The following PTPRK variants were observed in gnomAD, a reference collection of about 807,000 sequenced individuals.
The protein encoded by PTPRK is receptor-type tyrosine-protein phosphatase kappa.
PTPRK carries 75 observed loss-of-function variants against 178.0 expected under a neutral mutation model. The observed-to-expected ratio is 0.42, with a 90% confidence interval of 0.35 to 0.51. The LOEUF is 0.51. Among genes scored for constraint, PTPRK ranks in the 20% least tolerant of loss-of-function variants. The probability of loss-of-function intolerance (pLI) is 0.02; values close to 1 mark genes in which losing one functional copy is unlikely to be tolerated. For synonymous variants in PTPRK, 637 were observed against 620.6 expected, an observed-to-expected ratio of 1.03 and a Z score of -0.39; for missense variants, 1,441 against 1,797.8, an observed-to-expected ratio of 0.80 and a Z score of 3.59.
intron 7 of PTPRK, among the ~76,000 whole-genome samples, chr6:128,118,612 T>C (rs769587917): frequency 3.3e-5 from 5 of 152,180 alleles, no homozygotes; most frequent in Non-Finnish European, 5.9e-5. Flanking sequence ...TCTTAATCTA[T>C]TCTTGTTACT....
intron 3 of PTPRK, among the ~76,000 whole-genome samples, chr6:128,293,251 T>C (rs962692207): frequency 3.3e-5 from 5 of 152,028 alleles, no homozygotes; most frequent in African/African-American, 1.2e-4. Flanking sequence ...TTCTAGAAGC[T>C]GCGAAGTCCA....
chr6:128,376,450 C>A (rs1837084296), intron 2 of PTPRK, among the ~76,000 whole-genome samples: 1 of 152,182 alleles, frequency 6.6e-6, no homozygotes, highest in Non-Finnish European at 1.5e-5. Context: ...CTAGGCTGCA[C>A]AGAGCAGGGA....
chr6:128,362,373 C>A (rs1432201348), intron 2 of PTPRK, among the ~76,000 whole-genome samples: 2 of 64,350 alleles, frequency 3.1e-5, no homozygotes, highest in Non-Finnish European at 4.5e-5. Flanking sequence ...GCCCCCATCA[C>A]CAAGACTGGG....
intron 7 of PTPRK, among the ~76,000 whole-genome samples, chr6:128,167,013 G>C (rs1312372534): frequency 6.6e-6 from 1 of 151,152 alleles, no homozygotes; most frequent in Non-Finnish European, 1.5e-5. Flanking sequence ...AGCACTTCTG[G>C]AAAAATATTC....
At chr6:128,357,019 GT>G (rs1384363850) in intron 2 of PTPRK, among the ~76,000 whole-genome samples, 1 of 152,174 alleles carries the variant, frequency 6.6e-6, no homozygotes, top group African/African-American at 2.4e-5. Flanking sequence ...TGGAGCTGGG[GT>G]TTGAATACTG....
intron 2 of PTPRK, among the ~76,000 whole-genome samples, chr6:128,349,767 G>A (rs1832881724): frequency 6.6e-6 from 1 of 152,120 alleles, no homozygotes. Flanking sequence ...TTTTACTTGG[G>A]TAATAAGGAA....
intron 1 of PTPRK, among the ~76,000 whole-genome samples, chr6:128,433,826 G>GT (rs563277558): frequency 0.098 from 12,643 of 129,204 alleles, 1,383 homozygotes; most frequent in East Asian, 0.34. Context: ...CTCTAACACT[G>GT]TTTTTTTTTT....
At chr6:128,089,150 G>C (rs557440768) in intron 8 of PTPRK, among the ~76,000 whole-genome samples, 3 of 152,278 alleles carry the variant, frequency 2.0e-5, no homozygotes, top group Non-Finnish European at 4.4e-5. Context: ...TTTTAATAGA[G>C]ACAGGGTTTC....
intron 2 of PTPRK, among the ~76,000 whole-genome samples, chr6:128,355,470 C>T (rs2128339374): frequency 6.6e-6 from 1 of 152,116 alleles, no homozygotes; most frequent in Middle Eastern, 3.4e-3. Context: ...TTGTAGAGGG[C>T]CTATTGTGTG....
At chr6:128,386,652 T>G in intron 2 of PTPRK, among the ~76,000 whole-genome samples, 1 of 152,358 alleles carries the variant, frequency 6.6e-6, no homozygotes, top group African/African-American at 2.4e-5. Flanking sequence ...TCTAGATTTC[T>G]AATGAAATCT....
intron 6 of PTPRK, among the ~76,000 whole-genome samples, chr6:128,192,204 A>T (rs188489427): frequency 2.8e-4 from 43 of 152,348 alleles, no homozygotes; most frequent in South Asian, 6.2e-4. Flanking sequence ...TCAACAGAAC[A>T]CAAGTTATAA....
At chr6:128,273,449 C>A (rs188427364) in intron 3 of PTPRK, among the ~76,000 whole-genome samples, 2 of 152,114 alleles carry the variant, frequency 1.3e-5, no homozygotes, top group Non-Finnish European at 2.9e-5. Flanking sequence ...AAGTCCTATA[C>A]CCATTCTATG....
intron 1 of PTPRK, among the ~76,000 whole-genome samples, chr6:128,414,429 A>G (rs1167798328): frequency 1.3e-5 from 2 of 152,172 alleles, no homozygotes; most frequent in Admixed American, 1.3e-4. Flanking sequence ...TGCCTCTGTC[A>G]GCCGATTTGA....
intron 2 of PTPRK, among the ~76,000 whole-genome samples, chr6:128,353,276 G>C (rs549956978): frequency 6.6e-6 from 1 of 152,088 alleles, no homozygotes; most frequent in Non-Finnish European, 1.5e-5. Flanking sequence ...AATGTAAAAT[G>C]GTACAGCCAC....
At chr6:128,499,078 A>C (rs2128435904) in intron 1 of PTPRK, among the ~76,000 whole-genome samples, 1 of 152,342 alleles carries the variant, frequency 6.6e-6, no homozygotes, top group Middle Eastern at 3.4e-3. Flanking sequence ...AATGTGAATA[A>C]TGAGTTCATA....
chr6:128,114,252 G>T (rs781764061), intron 7 of PTPRK, among the ~76,000 whole-genome samples: 1 of 152,072 alleles, frequency 6.6e-6, no homozygotes, highest in East Asian at 1.9e-4. Context: ...AGAAGGTGAA[G>T]AGGAGGCAAG....
At chr6:128,405,882 T>C (rs1841589174) in intron 1 of PTPRK, among the ~76,000 whole-genome samples, 1 of 152,152 alleles carries the variant, frequency 6.6e-6, no homozygotes, top group Admixed American at 6.5e-5. Flanking sequence ...GAAATTTAAG[T>C]ATACTCAACT....
intron 1 of PTPRK, among the ~76,000 whole-genome samples, chr6:128,411,757 C>T (rs563319524): frequency 8.5e-5 from 13 of 152,212 alleles, no homozygotes; most frequent in African/African-American, 3.1e-4. Context: ...GTAAATACTA[C>T]GTAAACAATA....
intron 2 of PTPRK, among the ~76,000 whole-genome samples, chr6:128,357,552 G>A (rs539105098): frequency 6.6e-6 from 1 of 152,318 alleles, no homozygotes; most frequent in East Asian, 1.9e-4. Flanking sequence ...TCCACTGTAA[G>A]TCTTAAGGAT....
Sources: gnomAD v4.1 joint callset for allele counts (sites outside exome capture counted in the v4.1 genomes callset) on GRCh38, gnomAD v4.1.1 for gene constraint, MANE v1.5 for transcripts, NCBI Gene and HGNC (gene_info 2026-07-23, HGNC 2026-07-21) for gene names.